The following DCC variants were observed in gnomAD, a reference collection of about 807,000 sequenced individuals.
The protein encoded by DCC is DCC netrin 1 receptor, also known as netrin receptor DCC.
DCC carries 58 observed loss-of-function variants against 172.5 expected under a neutral mutation model. The ratio of observed to expected loss-of-function variants is 0.34; its 90% CI spans 0.27 to 0.42. The LOEUF (loss-of-function observed/expected upper bound fraction) is 0.42, where lower values mean the gene tolerates loss of function less well. Ranked by LOEUF, DCC falls within the 10% of genes least tolerant of loss-of-function variation. The pLI is 1.00. For synonymous variants in DCC, 709 were observed against 644.5 expected (o/e 1.10, Z -1.52); for missense variants, 1,740 against 1,791.0 (o/e 0.97, Z 0.51).
chr18:52,926,819 A>G (rs12962693), intron 5 of DCC, among the ~76,000 whole-genome samples: 3 of 128,358 alleles, frequency 2.3e-5, no homozygotes, highest in Non-Finnish European at 3.3e-5. Context: ...ATGTGTGTGT[A>G]TATATACATA....
intron 7 of DCC, among the ~76,000 whole-genome samples, chr18:53,135,236 C>T (rs1458470847): frequency 6.6e-6 from 1 of 151,916 alleles, no homozygotes; most frequent in Non-Finnish European, 1.5e-5. Context: ...ATGGGAGAGG[C>T]CAGGTAATAA....
At chr18:53,208,746 T>C (rs2055698478) in intron 11 of DCC, among the ~76,000 whole-genome samples, 1 of 152,148 alleles carries the variant, frequency 6.6e-6, no homozygotes. Context: ...TTTCCTTTTT[T>C]GGAAACGGAG....
chr18:52,958,082 A>AG (rs1386355249), intron 5 of DCC, among the ~76,000 whole-genome samples: 1 of 152,192 alleles, frequency 6.6e-6, no homozygotes, highest in Non-Finnish European at 1.5e-5. Flanking sequence ...CACAAAAAAA[A>AG]TGGAGTGGCA....
At chr18:53,365,868 G>T (rs2057999913) in intron 15 of DCC, among the ~76,000 whole-genome samples, 1 of 152,094 alleles carries the variant, frequency 6.6e-6, no homozygotes, top group Admixed American at 6.5e-5. Flanking sequence ...CAAATCCTTT[G>T]CTGACAAAGC....
At chr18:53,193,866 A>G (rs1044117964) in intron 9 of DCC, among the ~76,000 whole-genome samples, 3 of 152,064 alleles carry the variant, frequency 2.0e-5, no homozygotes, top group Non-Finnish European at 4.4e-5. Context: ...TCTTTTTTTC[A>G]TTATGTAGAA....
At chr18:52,905,197 T>C (rs1008428612) in intron 2 of DCC, among the ~76,000 whole-genome samples, 19 of 150,556 alleles carry the variant, frequency 1.3e-4, no homozygotes, top group African/African-American at 4.4e-4. Flanking sequence ...TTTTCATGCA[T>C]GCTTATGCTT....
At chr18:52,499,492 A>C (rs915688705) in intron 1 of DCC, among the ~76,000 whole-genome samples, 3 of 152,136 alleles carry the variant, frequency 2.0e-5, no homozygotes, top group Non-Finnish European at 4.4e-5. Context: ...TTTTGGATGC[A>C]ATAAGACCAA....
chr18:53,157,569 G>A (rs949522907), intron 8 of DCC, 57 bp downstream of exon 8: 22 of 1,580,998 alleles, frequency 1.4e-5, no homozygotes, highest in Admixed American at 1.7e-5. Context: ...AAGTCAATAC[G>A]GTTGGGTAAT....
chr18:52,489,616 T>A (rs2030403298), intron 1 of DCC, among the ~76,000 whole-genome samples: 1 of 152,222 alleles, frequency 6.6e-6, no homozygotes, highest in East Asian at 1.9e-4. Context: ...CCAGGAGACC[T>A]TTGCTTTGTT....
In DCC at chr18:52,892,888, G is replaced by T. The variant is rs2145424166; in HGVS notation, c.413-13156G>T. Reference sequence around the variant, plus strand: ...TTCCCCCAGTAGGTACTTCCAAATTGAAATTAAAATTATATAGATTTACCA... The same window carrying T: ...TTCCCCCAGTAGGTACTTCCAAATTTAAATTAAAATTATATAGATTTACCA... On this transcript the variant is annotated intron_variant, in intron 2 of 28. Transcript: ENST00000442544. 1.3e-5 allele frequency among the ~76,000 whole-genome samples: 2 copies of T among 152,118 alleles called. 1 individual carries two copies. Among genetic ancestry groups the T allele is most frequent in the Admixed American group, 1.3e-4 (2 of 15,254 alleles).
chr18:53,027,269 C>T (rs1297717294), intron 5 of DCC, among the ~76,000 whole-genome samples: 1 of 152,184 alleles, frequency 6.6e-6, no homozygotes, highest in East Asian at 1.9e-4. Context: ...GGAGTAAAAT[C>T]CACTGTTTAT....
chr18:53,249,340 G>T (rs1488158346), intron 12 of DCC, among the ~76,000 whole-genome samples: 1 of 151,772 alleles, frequency 6.6e-6, no homozygotes, highest in Non-Finnish European at 1.5e-5. Context: ...GACCTAGGTG[G>T]GTACCATTCT....
intron 1 of DCC, among the ~76,000 whole-genome samples, chr18:52,488,398 T>A (rs1319285036): frequency 6.6e-6 from 1 of 152,114 alleles, no homozygotes; most frequent in Non-Finnish European, 1.5e-5. Context: ...CCAATATTAA[T>A]GTGCTTGTGT....
intron 2 of DCC, among the ~76,000 whole-genome samples, chr18:52,788,649 T>C (rs540809629): frequency 5.2e-4 from 79 of 152,290 alleles, no homozygotes; most frequent in Middle Eastern, 3.4e-3. Flanking sequence ...ATAACACATA[T>C]ATAGCAACAC....
intron 14 of DCC, among the ~76,000 whole-genome samples, chr18:53,324,584 G>A (rs1000129845): frequency 1.3e-5 from 2 of 152,032 alleles, no homozygotes; most frequent in Non-Finnish European, 2.9e-5. Context: ...GAAGCCATGC[G>A]AATAGGTCAG....
chr18:53,410,289 C>A (rs553002038), intron 19 of DCC, among the ~76,000 whole-genome samples, 163 bp from the exon 20 acceptor site: 73 of 152,174 alleles, frequency 4.8e-4, no homozygotes, highest in African/African-American at 1.7e-3. Flanking sequence ...TTTATCTAAT[C>A]CTTGCATTAT....
intron 1 of DCC, among the ~76,000 whole-genome samples, chr18:52,614,340 G>C (rs1178800231): frequency 6.6e-6 from 1 of 152,162 alleles, no homozygotes. Context: ...CAAAAGAATT[G>C]AGTGTTATTC....
chr18:52,605,950 A>T (rs2144826598), intron 1 of DCC, among the ~76,000 whole-genome samples: 1 of 152,222 alleles, frequency 6.6e-6, no homozygotes, highest in Admixed American at 6.5e-5. Context: ...TAATTTTTTT[A>T]GCTTTTATTA....
chr18:52,540,369 G>C (rs1344872730), intron 1 of DCC, among the ~76,000 whole-genome samples: 2 of 151,984 alleles, frequency 1.3e-5, no homozygotes, highest in African/African-American at 4.8e-5. Context: ...TGAGGCTACA[G>C]TGAGCTATGA....
Sources: gnomAD v4.1 joint callset for allele counts (sites outside exome capture counted in the v4.1 genomes callset) on GRCh38, gnomAD v4.1.1 for gene constraint, MANE v1.5 for transcripts, NCBI Gene and HGNC (gene_info 2026-07-23, HGNC 2026-07-21) for gene names.